Variants in PCA3 observed in about 807,000 individuals in gnomAD.
PCA3 encodes the protein Differential Display code 3.
chr9:76,768,623 G>GTGTGTGTGTGTGTA (rs1491356086), intron 2 of PCA3, among the ~76,000 whole-genome samples: 3 of 130,152 alleles, frequency 2.3e-5, no homozygotes, highest in African/African-American at 8.3e-5. Context: ...GTGTGTGTGT[G>GTGTGTGTGTGTGTA]TATATCCCTG....
chr9:76,777,846 A>C (rs1297765948), intron 2 of PCA3, among the ~76,000 whole-genome samples: 1 of 152,202 alleles, frequency 6.6e-6, no homozygotes, highest in African/African-American at 2.4e-5. Flanking sequence ...AAATAAGTTC[A>C]GGGGGCTAAC....
At chr9:76,785,304 A>G (rs2054863600) in intron 2 of PCA3, 1 of 152,260 alleles carries the variant, frequency 6.6e-6, no homozygotes, top group Admixed American at 6.5e-5. Context: ...TATGAGATTC[A>G]TCATCACATG....
intron 2 of PCA3, chr9:76,786,288 A>G (rs910131106): frequency 1.2e-4 from 19 of 152,224 alleles, no homozygotes; most frequent in Non-Finnish European, 1.5e-4. Flanking sequence ...GAGAGAATAT[A>G]AGAACTCTGA....
intron 2 of PCA3, chr9:76,783,900 TA>T (rs2054695316): frequency 6.6e-6 from 1 of 152,224 alleles, no homozygotes; most frequent in African/African-American, 2.4e-5. Flanking sequence ...AAGTGCTTTA[TA>T]AAGCACTCAA....
At chr9:76,767,813 T>G (rs1441555174) in intron 2 of PCA3, among the ~76,000 whole-genome samples, 2 of 152,192 alleles carry the variant, frequency 1.3e-5, no homozygotes, top group East Asian at 3.9e-4. Context: ...GCTCCTATCT[T>G]CTATCCGAAC....
At chr9:76,767,018 T>C (rs1317890659) in intron 2 of PCA3, among the ~76,000 whole-genome samples, 1 of 152,190 alleles carries the variant, frequency 6.6e-6, no homozygotes, top group Non-Finnish European at 1.5e-5. Flanking sequence ...CGTGAAATCT[T>C]AACCTTGCCT....
At chr9:76,767,000 G>A (rs2052473986) in intron 2 of PCA3, among the ~76,000 whole-genome samples, 1 of 152,130 alleles carries the variant, frequency 6.6e-6, no homozygotes, top group Non-Finnish European at 1.5e-5. Context: ...CAAGGCGAAG[G>A]TAGGCTTCGT....
chr9:76,786,526 T>C (rs1459015587), intron 2 of PCA3: 1 of 152,244 alleles, frequency 6.6e-6, no homozygotes, highest in Non-Finnish European at 1.5e-5. Context: ...GCTCTCCTCT[T>C]GACACATATT....
intron 2 of PCA3, chr9:76,782,729 T>C (rs2054553131): frequency 6.6e-6 from 1 of 152,202 alleles, no homozygotes; most frequent in African/African-American, 2.4e-5. Flanking sequence ...GAAGAGCTAG[T>C]CCGCTGTGAG....
chr9:76,768,363 T>G (rs1161413551), intron 2 of PCA3, among the ~76,000 whole-genome samples: 1 of 152,118 alleles, frequency 6.6e-6, no homozygotes, highest in African/African-American at 2.4e-5. Context: ...CAGTTAATTT[T>G]TGTATTTTTA....
intron 2 of PCA3, among the ~76,000 whole-genome samples, chr9:76,772,121 C>T (rs1383797481): frequency 6.6e-6 from 1 of 152,150 alleles, no homozygotes; most frequent in Non-Finnish European, 1.5e-5. Context: ...GCCACCCTTC[C>T]GCCCTTGTAA....
intron 2 of PCA3, chr9:76,785,870 A>G (rs1251952620): frequency 3.3e-5 from 5 of 152,152 alleles, no homozygotes; most frequent in African/African-American, 7.2e-5. Flanking sequence ...ACCATATCTC[A>G]TTATTCTCCA....
intron 2 of PCA3, among the ~76,000 whole-genome samples, chr9:76,766,986 C>T (rs910858803): frequency 6.6e-6 from 1 of 152,154 alleles, no homozygotes; most frequent in Non-Finnish European, 1.5e-5. Context: ...CCACACCTTC[C>T]CCCCAAGGCG....
At chr9:76,782,105 T>C (rs1340602645) in intron 2 of PCA3, among the ~76,000 whole-genome samples, 1 of 151,932 alleles carries the variant, frequency 6.6e-6, no homozygotes, top group African/African-American at 2.4e-5. Flanking sequence ...TCCCAGCTAC[T>C]GGGGAGGCTG....
At chr9:76,773,321 A>G (rs991863394) in intron 2 of PCA3, among the ~76,000 whole-genome samples, 8 of 152,246 alleles carry the variant, frequency 5.3e-5, no homozygotes, top group African/African-American at 1.7e-4. Context: ...GGAGAATACC[A>G]GAATGAAGAA....
At chr9:76,764,737 T>C (rs2130802400) in intron 2 of PCA3, among the ~76,000 whole-genome samples, 1 of 152,290 alleles carries the variant, frequency 6.6e-6, no homozygotes, top group Middle Eastern at 3.4e-3. Flanking sequence ...AGTTAAGTTA[T>C]TGCAATGGTT....
intron 2 of PCA3, among the ~76,000 whole-genome samples, chr9:76,780,501 C>A (rs539284406): frequency 2.0e-5 from 3 of 152,118 alleles, no homozygotes; most frequent in African/African-American, 7.2e-5. Flanking sequence ...TCCTGGCTAA[C>A]ACAGTGAAAC....
intron 2 of PCA3, among the ~76,000 whole-genome samples, chr9:76,770,224 C>T (rs924148698): frequency 6.6e-6 from 1 of 152,124 alleles, no homozygotes; most frequent in Admixed American, 6.5e-5. Context: ...TTTACCCTTA[C>T]ACTTGTTTTC....
intron 2 of PCA3, chr9:76,782,577 T>A (rs2054534535): frequency 6.6e-6 from 1 of 152,240 alleles, no homozygotes; most frequent in Admixed American, 6.5e-5. Flanking sequence ...CAGCCATATG[T>A]TAAGTTCCAT....
Sources: gnomAD v4.1 joint callset for allele counts (sites outside exome capture counted in the v4.1 genomes callset) on GRCh38, gnomAD v4.1.1 for gene constraint, MANE v1.5 for transcripts, NCBI Gene and HGNC (gene_info 2026-07-23, HGNC 2026-07-21) for gene names.